The following NUP50 variants were observed in gnomAD, a reference collection of about 807,000 sequenced individuals.
The protein encoded by NUP50 is nuclear pore complex protein Nup50.
Under a neutral mutation model 36.8 loss-of-function variants are expected in NUP50, and 14 were observed. The observed-to-expected ratio is 0.38, with a 90% CI of 0.25 to 0.59. NUP50 has a LOEUF of 0.59. Ranked by LOEUF, NUP50 falls within the 20% of genes least tolerant of loss-of-function variation. The pLI is 0.63. For synonymous variants in NUP50, 195 were observed against 210.8 expected (o/e 0.93, Z 0.65); for missense variants, 455 against 564.6 (o/e 0.81, Z 1.97).
At position 45,178,702 on chromosome 22, in the gene NUP50, G is replaced by A. The variant is rs2074317721; in HGVS notation, c.805G>A (p.Ala269Thr). The A allele has an allele frequency of 1.9e-6, 3 of 1,612,594 alleles. No individual in the cohort carries two copies. Among genetic ancestry groups the A allele is most frequent in the South Asian group, 1.1e-5 (1 of 91,020 alleles). The change falls in exon 5 of 8, where the codon GCC becomes ACC. Residue 269 changes from alanine (A) to threonine (T), a missense_variant. Around this residue, in one of 3 missense-constraint regions of NUP50, gnomAD observed 287 missense variants for 345.5 expected, o/e 0.83. Coordinates refer to ENST00000347635, the MANE Select transcript of NUP50 (RefSeq NM_007172.4). ...CCCATCATCACTAGGAGCGACAAGT[G>A]CCTCATTTAATTTCGGCAAGAAAGT... ...TDPSSLGATS[A>T]SFNFGKKVDS...
Position 45,186,922 on chromosome 22 carries a change from C to T in NUP50, c.*2267C>T, listed in dbSNP as rs370149184. ...CTTGTCTTTTACTTGGGGCACGGGGCCCCTGGAGGGCTTCCCTACTTTCCC... is the reference window on the plus strand; with the variant it reads ...CTTGTCTTTTACTTGGGGCACGGGGTCCCTGGAGGGCTTCCCTACTTTCCC... On this transcript the variant is annotated 3_prime_UTR_variant, in exon 8 of 8. Transcript: ENST00000347635. 2 of 152,256 alleles carry T rather than the reference C, an allele frequency of 1.3e-5. No individual in the cohort carries two copies. The highest frequency in any genetic ancestry group is 2.9e-5 in the Non-Finnish European group (2 of 68,032). 9.4% of individuals were successfully genotyped at this position (152,256 alleles called of 1,614,324 possible).
At chr22:45,183,081 GGGGC>G (rs778036965) in intron 6 of NUP50, among the ~76,000 whole-genome samples, 197 of 73,806 alleles carry the variant, frequency 2.7e-3, no homozygotes, top group Non-Finnish European at 5.0e-3. Flanking sequence ...GCAGGGGTTG[GGGGC>G]GGGGGGGGGG....
chr22:45,169,309 G>C (rs575327755), intron 2 of NUP50, among the ~76,000 whole-genome samples: 148 of 152,270 alleles, frequency 9.7e-4, no homozygotes, highest in African/African-American at 3.4e-3. Flanking sequence ...GTTCAAGGCT[G>C]CTGTGACCTG....
intron 7 of NUP50, chr22:45,183,791 C>A (rs941891063): frequency 2.8e-6 from 1 of 353,064 alleles, no homozygotes; most frequent in Non-Finnish European, 5.2e-6. Flanking sequence ...TTAATGAACA[C>A]CCAAGGGAAA....
chr22:45,180,790 A>G (rs2074355697), intron 5 of NUP50, among the ~76,000 whole-genome samples: 1 of 152,104 alleles, frequency 6.6e-6, no homozygotes, highest in African/African-American at 2.4e-5. Flanking sequence ...ACAAAGCTTA[A>G]ATTACTTACA....
chr22:45,171,772 A>G, intron 3 of NUP50, 89 bp downstream of exon 3: 5 of 1,013,110 alleles, frequency 4.9e-6, no homozygotes, highest in Non-Finnish European at 7.7e-6. Context: ...AATGATATCA[A>G]CAAATGCTTT....
At chr22:45,170,533 G>T (rs951760942) in intron 2 of NUP50, among the ~76,000 whole-genome samples, 2 of 152,082 alleles carry the variant, frequency 1.3e-5, no homozygotes, top group Admixed American at 1.3e-4. Flanking sequence ...TCCTTCTTTT[G>T]GAATCTTTCT....
intron 5 of NUP50, 198 bp downstream of exon 5, chr22:45,179,098 T>C: frequency 4.0e-6 from 2 of 503,272 alleles, no homozygotes; most frequent in Non-Finnish European, 6.8e-6. Context: ...TTTTGTAGGG[T>C]TGTTTATAAG....
In NUP50 at chr22:45,178,287, T is replaced by C. The variant is rs747711477; in HGVS notation, c.390T>C (p.Asn130=). ...CCACCTTGGTTGATAAAGTTTCAAA[T>C]CCCAAAACTAATGGGGACAGTCAGC... ...GPTTLVDKVS[N]PKTNGDSQQP... is the part of the protein sequence containing the mutation. Residue 130 remains asparagine (N), a synonymous_variant, in exon 5 of 8, where the codon AAT becomes AAC. Coordinates refer to ENST00000347635, the MANE Select transcript of NUP50 (RefSeq NM_007172.4). The C allele has an allele frequency of 1.2e-6, 2 of 1,613,978 alleles. No homozygotes were observed. The highest frequency in any genetic ancestry group is 1.7e-6 in the Non-Finnish European group (2 of 1,179,860).
intron 4 of NUP50, 39 bp downstream of exon 4, chr22:45,176,119 C>A (rs2147685867): frequency 6.3e-7 from 1 of 1,590,408 alleles, no homozygotes; most frequent in Non-Finnish European, 8.6e-7. Flanking sequence ...GTGTAAGTAT[C>A]ATCTATGGAA....
intron 6 of NUP50, among the ~76,000 whole-genome samples, chr22:45,181,709 A>G (rs2074376512): frequency 1.3e-5 from 2 of 151,912 alleles, no homozygotes; most frequent in African/African-American, 4.8e-5. Flanking sequence ...CCTCCCCAAC[A>G]AAGAAATCGC....
intron 5 of NUP50, chr22:45,180,413 C>A (rs1213636285): frequency 6.6e-6 from 1 of 152,202 alleles, no homozygotes; most frequent in Non-Finnish European, 1.5e-5. Flanking sequence ...CGTTCTGTCA[C>A]CCAGGCTAGT....
In NUP50 at chr22:45,171,673, T is replaced by C. The variant is rs61745742; in HGVS notation, c.143T>C (p.Val48Ala). The stretch of plus-strand genomic sequence containing the variant: ...ATAAAGAAAGCAAAGCGCAGAAATG[T>C]TGGATTTGAAGTGAGTGCCCCCTTA... ...RAIKKAKRRN[V>A]GFESDTGGAF... The change falls in exon 3 of 8, where the codon GTT becomes GCT. Residue 48 changes from valine (V) to alanine (A), a missense_variant. Around this residue, in one of 3 missense-constraint regions of NUP50, gnomAD observed 166 missense variants for 202.8 expected, o/e 0.82. Transcript: ENST00000347635. The C allele has an allele frequency of 6.2e-7, 1 of 1,613,912 alleles. No homozygotes were observed. The highest frequency in any genetic ancestry group is 1.3e-5 in the African/African-American group (1 of 74,904).
At position 45,169,373 on chromosome 22, in the gene NUP50, A is replaced by G. The variant is rs143583700; in HGVS notation, c.69+1127A>G. 5.3e-5 allele frequency among the ~76,000 whole-genome samples: 8 copies of G among 152,276 alleles called. No individual in the cohort carries two copies. In the East Asian group the frequency reaches 1.2e-3, roughly 22 times the overall value. On this transcript the variant is annotated intron_variant, in intron 2 of 7. Coordinates refer to ENST00000347635, the MANE Select transcript of NUP50 (RefSeq NM_007172.4). ...CAACAGGGTGAGACCCTGTCTAAAAAACAAAGAATAAAACACAGCTGTACT... is the reference window on the plus strand; with the variant it reads ...CAACAGGGTGAGACCCTGTCTAAAAGACAAAGAATAAAACACAGCTGTACT...
At chr22:45,179,517 G>T (rs2074332512) in intron 5 of NUP50, among the ~76,000 whole-genome samples, 1 of 152,164 alleles carries the variant, frequency 6.6e-6, no homozygotes, top group South Asian at 2.1e-4. Context: ...AAAAAGTGGG[G>T]TGATGTCATG....
chr22:45,171,202 T>A, intron 2 of NUP50: 1 of 1,131,152 alleles, frequency 8.8e-7, no homozygotes, highest in South Asian at 1.9e-5. Flanking sequence ...ACAAAATTTA[T>A]TTATTTATTT....
chr22:45,168,302 TTTTGGGGTTCCTCATGAA>T, intron 2 of NUP50, 56 bp downstream of exon 2: 1 of 1,403,894 alleles, frequency 7.1e-7, no homozygotes, highest in East Asian at 2.3e-5. Flanking sequence ...TTTACATTCA[TTTTGGGGTTCCTCATGAA>T]GACTTGTGAC....
At position 45,181,271 on chromosome 22, in the gene NUP50, T is replaced by A. The variant is rs773387886; in HGVS notation, c.1004-15T>A. ...GGATTGGAATCTTACTGAATTATTG[T>A]CATTTTTATAAAAGGTGGAGATGAA... On this transcript the variant is annotated splice_polypyrimidine_tract_variant and intron_variant, in intron 5 of 7. Transcript: ENST00000347635. 10 of 1,570,462 alleles carry A rather than the reference T, an allele frequency of 6.4e-6. No homozygotes were observed. The highest frequency in any genetic ancestry group is 1.7e-6 in the Non-Finnish European group (2 of 1,157,014).
chr22:45,180,088 C>T (rs2074342749), intron 5 of NUP50: 1 of 152,220 alleles, frequency 6.6e-6, no homozygotes, highest in South Asian at 2.1e-4. Context: ...CCTTTTCTTT[C>T]TTCTCTGCCT....
Sources: allele counts gnomAD v4.1 joint callset (sites outside exome capture counted in the v4.1 genomes callset), GRCh38; gene constraint gnomAD v4.1.1; regional missense constraint gnomAD v4.1.1; transcripts MANE v1.5; gene names NCBI Gene and HGNC (gene_info 2026-07-23, HGNC 2026-07-21).